The following COL8A1 variants were observed in gnomAD, a reference collection of about 807,000 sequenced individuals.
COL8A1 encodes collagen type VIII alpha 1 chain.
COL8A1 carries 21 observed loss-of-function variants against 42.7 expected under a neutral mutation model. The observed-to-expected ratio is 0.49, with a 90% confidence interval of 0.35 to 0.71. COL8A1 has a LOEUF of 0.71. COL8A1 is among the 30% of genes least tolerant of loss of function. COL8A1 has a pLI of 0.01. For missense variants in COL8A1, 788 were observed against 962.4 expected (o/e 0.82, Z 2.40); for synonymous variants, 367 against 369.1 (o/e 0.99, Z 0.06).
At chr3:99,722,744 G>A (rs1019847268) in intron 1 of COL8A1, among the ~76,000 whole-genome samples, 1 of 152,026 alleles carries the variant, frequency 6.6e-6, no homozygotes, top group Non-Finnish European at 1.5e-5. Context: ...GTTCTTGCCC[G>A]AAGTGTTAAG....
intron 1 of COL8A1, among the ~76,000 whole-genome samples, chr3:99,644,518 C>A (rs1183303539): frequency 6.6e-6 from 1 of 152,196 alleles, no homozygotes; most frequent in Non-Finnish European, 1.5e-5. Context: ...CAGATGTTAG[C>A]CCAGATGCTT....
chr3:99,669,441 T>C (rs527371606), intron 1 of COL8A1, among the ~76,000 whole-genome samples: 1 of 152,152 alleles, frequency 6.6e-6, no homozygotes, highest in South Asian at 2.1e-4. Flanking sequence ...CAAGCATTGT[T>C]AATGTCTGTA....
rs1942120493 is a variant in COL8A1 at position 99,797,046 on chromosome 3, A to C, written c.*910A>C. On this transcript the variant is annotated 3_prime_UTR_variant, in exon 4 of 4. Coordinates refer to ENST00000652472, the MANE Select transcript of COL8A1 (RefSeq NM_020351.4). ...AACACCTGGAAATTACAAGGAAAAAAAATTCTTCCTCTAATAACTTTCCAA... is the reference window on the plus strand; with the variant it reads ...AACACCTGGAAATTACAAGGAAAAACAATTCTTCCTCTAATAACTTTCCAA... 6.6e-6 allele frequency: 1 copy of C among 152,350 alleles called. No homozygotes were observed. Among genetic ancestry groups the C allele is most frequent in the Non-Finnish European group, 1.5e-5 (1 of 68,032 alleles). The allele number at this position is 152,350 out of a possible 1,614,324, so 9.4% of individuals were successfully genotyped here.
intron 2 of COL8A1, among the ~76,000 whole-genome samples, chr3:99,752,536 C>A (rs1221228866): frequency 1.3e-5 from 2 of 152,140 alleles, no homozygotes; most frequent in Non-Finnish European, 2.9e-5. Context: ...TGAACTCCTA[C>A]TTATCACCCA....
At chr3:99,728,309 G>A (rs1940398730) in intron 1 of COL8A1, among the ~76,000 whole-genome samples, 1 of 152,002 alleles carries the variant, frequency 6.6e-6, no homozygotes, top group African/African-American at 2.4e-5. Context: ...GGATCTACCT[G>A]CTCGTTCTAC....
intron 1 of COL8A1, among the ~76,000 whole-genome samples, chr3:99,716,419 C>G (rs781103994): frequency 6.6e-6 from 1 of 151,960 alleles, no homozygotes; most frequent in Non-Finnish European, 1.5e-5. Flanking sequence ...GAATGATTAG[C>G]ACCAAAATGC....
At chr3:99,670,236 A>G (rs1381261896) in intron 1 of COL8A1, among the ~76,000 whole-genome samples, 1 of 152,104 alleles carries the variant, frequency 6.6e-6, no homozygotes, top group Non-Finnish European at 1.5e-5. Flanking sequence ...AAGTTTTTTG[A>G]GCCAAAAATG....
chr3:99,725,522 G>T (rs1286356406), intron 1 of COL8A1, among the ~76,000 whole-genome samples: 1 of 149,530 alleles, frequency 6.7e-6, no homozygotes, highest in Non-Finnish European at 1.5e-5. Context: ...CCATTAACTT[G>T]TCATTTAGCA....
intron 2 of COL8A1, among the ~76,000 whole-genome samples, chr3:99,775,576 A>G (rs1331898100): frequency 2.0e-5 from 3 of 152,120 alleles, no homozygotes; most frequent in Non-Finnish European, 4.4e-5. Flanking sequence ...GATAGACACA[A>G]ATTAATCGTG....
chr3:99,795,345 A>C lies in COL8A1; in HGVS notation c.1444A>C (p.Lys482Gln). 1 of 1,594,406 alleles carries C rather than the reference A, an allele frequency of 6.3e-7. No homozygotes were observed. Among genetic ancestry groups the C allele is most frequent in the Non-Finnish European group, 8.5e-7 (1 of 1,170,100 alleles). ...TGGTGTTCCAGGGCTTCTCGGACCT[A>C]AGGGAGAGCCAGGAATCCCAGGGGA... ...LPGVPGLLGP[K>Q]GEPGIPGDQG... The change falls in exon 4 of 4, where the codon AAG becomes CAG. Residue 482 changes from lysine to glutamine, a missense_variant. This residue lies in a region of COL8A1 where 154 missense variants were observed against 182.3 expected (regional missense o/e 0.84). Coordinates refer to ENST00000652472, the MANE Select transcript of COL8A1 (RefSeq NM_020351.4).
chr3:99,755,688 G>A (rs1941240049), intron 2 of COL8A1, among the ~76,000 whole-genome samples: 1 of 152,210 alleles, frequency 6.6e-6, no homozygotes, highest in African/African-American at 2.4e-5. Flanking sequence ...AGAAGGCAAG[G>A]CCATGCAACA....
intron 1 of COL8A1, among the ~76,000 whole-genome samples, chr3:99,732,930 GA>G (rs1940563545): frequency 6.6e-6 from 1 of 151,952 alleles, no homozygotes; most frequent in South Asian, 2.1e-4. Flanking sequence ...TGGCCAAAAC[GA>G]AAGGACTACA....
chr3:99,739,592 G>A (rs1019036814), intron 1 of COL8A1, among the ~76,000 whole-genome samples: 1 of 152,160 alleles, frequency 6.6e-6, no homozygotes, highest in African/African-American at 2.4e-5. Context: ...CATGGAAGCT[G>A]CCAAAGCTTG....
intron 1 of COL8A1, among the ~76,000 whole-genome samples, chr3:99,725,281 A>C (rs749147285): frequency 2.6e-5 from 4 of 152,016 alleles, no homozygotes; most frequent in Non-Finnish European, 4.4e-5. Flanking sequence ...TGCCATAAGA[A>C]AGTTCTTCTC....
At chr3:99,793,395 T>C (rs1942038990) in intron 3 of COL8A1, among the ~76,000 whole-genome samples, 1 of 151,956 alleles carries the variant, frequency 6.6e-6, no homozygotes, top group Non-Finnish European at 1.5e-5. Flanking sequence ...ATAAATAAAA[T>C]ACAACTATAA....
intron 2 of COL8A1, among the ~76,000 whole-genome samples, chr3:99,753,936 G>A (rs1941204584): frequency 6.6e-6 from 1 of 152,140 alleles, no homozygotes; most frequent in Non-Finnish European, 1.5e-5. Context: ...GGTAGAGCTT[G>A]GACTGAACCT....
chr3:99,683,202 C>A (rs1366814343), intron 1 of COL8A1, among the ~76,000 whole-genome samples: 3 of 152,010 alleles, frequency 2.0e-5, no homozygotes, highest in Non-Finnish European at 4.4e-5. Context: ...TTTTACATGC[C>A]TTTCTCCCCC....
At chr3:99,715,870 C>T (rs928620504) in intron 1 of COL8A1, among the ~76,000 whole-genome samples, 2 of 151,908 alleles carry the variant, frequency 1.3e-5, no homozygotes, top group Non-Finnish European at 2.9e-5. Context: ...GACCATTCTG[C>T]AAAGACTAGT....
chr3:99,700,290 T>A (rs1326417832), intron 1 of COL8A1, among the ~76,000 whole-genome samples: 1 of 151,638 alleles, frequency 6.6e-6, no homozygotes, highest in Non-Finnish European at 1.5e-5. Flanking sequence ...TTGCTTTTTT[T>A]ATTTTTTTAG....
Sources: gnomAD v4.1 joint callset for allele counts (sites outside exome capture counted in the v4.1 genomes callset) on GRCh38, gnomAD v4.1.1 for gene constraint, gnomAD v4.1.1 regional missense constraint, MANE v1.5 for transcripts, NCBI Gene and HGNC (gene_info 2026-07-23, HGNC 2026-07-21) for gene names.